The following CLEC1A variants were observed in gnomAD, a reference collection of about 807,000 sequenced individuals.
CLEC1A encodes the protein C-type lectin-like receptor-1.
Under a neutral mutation model 28.7 loss-of-function variants are expected in CLEC1A, and 34 were observed. The observed-to-expected ratio is 1.18, with a 90% CI of 0.90 to 1.57. The LOEUF (loss-of-function observed/expected upper bound fraction) is 1.57. CLEC1A is among the 40% of genes most tolerant of loss of function. The probability of loss-of-function intolerance (pLI) is 0.00; values close to 1 mark genes in which losing one functional copy is unlikely to be tolerated. For synonymous variants in CLEC1A, 116 were observed against 121.0 expected (o/e 0.96, Z 0.27); for missense variants, 385 against 339.5 (o/e 1.13, Z -1.05).
At chr12:10,079,467 T>C (rs1866320422) in intron 3 of CLEC1A, among the ~76,000 whole-genome samples, 1 of 152,210 alleles carries the variant, frequency 6.6e-6, no homozygotes, top group African/African-American at 2.4e-5. Context: ...TTTGTTTTTA[T>C]ATACCTAAAT....
intron 1 of CLEC1A, among the ~76,000 whole-genome samples, chr12:10,098,250 C>G (rs1947804292): frequency 6.6e-6 from 1 of 152,066 alleles, no homozygotes; most frequent in Admixed American, 6.6e-5. Context: ...TCAGATCAGA[C>G]AGACATTCAA....
At position 10,070,059 on chromosome 12, in the gene CLEC1A, G is replaced by T. The variant is rs1207391700; in HGVS notation, c.*1274C>A. On this transcript the variant is annotated 3_prime_UTR_variant, in exon 6 of 6. Transcript: ENST00000315330. ...TTATCAGTAAACCAATAAACTTGGT[G>T]GCTGTGATGGTGTCATTCCCAATGA... is the stretch of plus-strand genomic sequence containing the variant. 3 of 152,192 alleles carry T rather than the reference G, an allele frequency of 2.0e-5. No homozygotes were observed. Among genetic ancestry groups the T allele is most frequent in the Non-Finnish European group, 4.4e-5 (3 of 68,038 alleles). 9.4% of individuals were successfully genotyped at this position (152,192 alleles called of 1,614,324 possible).
chr12:10,081,131 T>C, intron 3 of CLEC1A, 106 bp downstream of exon 3: 1 of 983,300 alleles, frequency 1.0e-6, no homozygotes, highest in South Asian at 1.8e-5. Flanking sequence ...TTTTTCAGTT[T>C]GCCAGACCTC....
At chr12:10,090,896 A>C (rs768278122) in intron 1 of CLEC1A, among the ~76,000 whole-genome samples, 4 of 152,160 alleles carry the variant, frequency 2.6e-5, no homozygotes, top group Non-Finnish European at 4.4e-5. Flanking sequence ...CTTAAAATTA[A>C]ATCCTGCATT....
At chr12:10,074,820 TTAAA>T (rs1307022912) in intron 4 of CLEC1A, among the ~76,000 whole-genome samples, 1 of 152,218 alleles carries the variant, frequency 6.6e-6, no homozygotes, top group Non-Finnish European at 1.5e-5. Flanking sequence ...TTTAATTCAA[TTAAA>T]TAACCCTTTG....
At chr12:10,095,298 A>T (rs895661020) in intron 1 of CLEC1A, among the ~76,000 whole-genome samples, 6 of 152,070 alleles carry the variant, frequency 3.9e-5, no homozygotes, top group African/African-American at 1.4e-4. Flanking sequence ...AAATTTTTTA[A>T]AATTATTTAA....
At chr12:10,081,112 C>T in intron 3 of CLEC1A, 125 bp downstream of exon 3, 1 of 768,044 alleles carries the variant, frequency 1.3e-6, no homozygotes, top group South Asian at 2.0e-5. Flanking sequence ...GATCTTGAAG[C>T]CCAAACCCTT....
intron 2 of CLEC1A, among the ~76,000 whole-genome samples, chr12:10,088,612 A>G (rs1460707191): frequency 1.3e-5 from 2 of 151,918 alleles, no homozygotes; most frequent in African/African-American, 4.8e-5. Flanking sequence ...ATATTTTTAG[A>G]TATGCTTTTT....
At chr12:10,077,177 A>G (rs1052187708) in intron 3 of CLEC1A, among the ~76,000 whole-genome samples, 17 of 152,198 alleles carry the variant, frequency 1.1e-4, no homozygotes, top group African/African-American at 3.4e-4. Flanking sequence ...TAGTGATACT[A>G]TGTAACTAAA....
At chr12:10,079,054 C>T (rs1866312014) in intron 3 of CLEC1A, among the ~76,000 whole-genome samples, 1 of 152,190 alleles carries the variant, frequency 6.6e-6, no homozygotes, top group African/African-American at 2.4e-5. Context: ...GTATAAATTA[C>T]CCAGGCTCAG....
In CLEC1A at chr12:10,069,871, A is replaced by G. The variant is rs1378731584; in HGVS notation, c.*1462T>C. On this transcript the variant is annotated 3_prime_UTR_variant, in exon 6 of 6. Coordinates refer to ENST00000315330, the MANE Select transcript of CLEC1A (RefSeq NM_016511.4). ...ATCTAACAAAATGAAGTTTATGAAA[A>G]TGAGCACCAATGTGTTCTTTCTATC... The G allele has an allele frequency of 1.3e-5, 2 of 152,246 alleles. No individual in the cohort carries two copies. Among genetic ancestry groups the G allele is most frequent in the East Asian group, 1.9e-4 (1 of 5,202 alleles). 9.4% of individuals were successfully genotyped at this position (152,246 alleles called of 1,614,324 possible). A position where few individuals can be genotyped will look rare whatever the true frequency, so the allele number is the denominator to read the frequency against.
At chr12:10,098,097 G>A (rs1947802846) in intron 1 of CLEC1A, among the ~76,000 whole-genome samples, 1 of 151,630 alleles carries the variant, frequency 6.6e-6, no homozygotes, top group Non-Finnish European at 1.5e-5. Context: ...TTACAAAGGT[G>A]AAGAAAACAA....
At chr12:10,091,005 A>C (rs1445564114) in intron 1 of CLEC1A, among the ~76,000 whole-genome samples, 1 of 152,148 alleles carries the variant, frequency 6.6e-6, no homozygotes, top group Non-Finnish European at 1.5e-5. Context: ...TTAGTCCTTG[A>C]TCTGATCAAG....
intron 1 of CLEC1A, among the ~76,000 whole-genome samples, chr12:10,095,501 C>T (rs998231689): frequency 5.3e-5 from 8 of 151,786 alleles, no homozygotes; most frequent in Admixed American, 2.0e-4. Context: ...AATCTGTCAC[C>T]CAATGCTGTA....
At chr12:10,095,447 A>G (rs7956208) in intron 1 of CLEC1A, among the ~76,000 whole-genome samples, 114,780 of 151,958 alleles carry the variant, frequency 0.76, 45,098 homozygotes, top group Non-Finnish European at 0.88. Flanking sequence ...TTTTCAATCT[A>G]CAATTGAGTT....
At chr12:10,095,219 A>T (rs1177074488) in intron 1 of CLEC1A, among the ~76,000 whole-genome samples, 3 of 152,160 alleles carry the variant, frequency 2.0e-5, no homozygotes, top group Non-Finnish European at 4.4e-5. Context: ...ATAAAACTAA[A>T]ACGCTGGGAA....
chr12:10,071,640 G>A (rs1939053857), intron 5 of CLEC1A, 127 bp from the exon 6 acceptor site: 1 of 713,794 alleles, frequency 1.4e-6, no homozygotes, highest in Non-Finnish European at 2.1e-6. Flanking sequence ...GGGAAACTGG[G>A]GTCATGTGCC....
Position 10,089,201 on chromosome 12 carries a change from G to T in CLEC1A, c.137C>A (p.Thr46Lys). 6.2e-7 allele frequency: 1 copy of T among 1,613,962 alleles called. No homozygotes were observed. Among genetic ancestry groups the T allele is most frequent in the Non-Finnish European group, 8.5e-7 (1 of 1,179,846 alleles). ...RRTEHRAPSS[T>K]WRPVALTLLT... ...CAGGGTCAGGGCCACTGGTCGCCAC[G>T]TTGAAGAGGGAGCCCTGTGCTCTGC... Residue 46 changes from threonine to lysine, a missense_variant, in exon 2 of 6, where the codon ACG becomes AAG. Coordinates refer to ENST00000315330, the MANE Select transcript of CLEC1A (RefSeq NM_016511.4).
chr12:10,090,287 G>T (rs1213133081), intron 1 of CLEC1A, among the ~76,000 whole-genome samples: 3 of 152,106 alleles, frequency 2.0e-5, no homozygotes, highest in African/African-American at 7.2e-5. Flanking sequence ...TAGGTACAGA[G>T]ATTTTCCAGG....
Sources: gnomAD v4.1 joint callset for allele counts (sites outside exome capture counted in the v4.1 genomes callset) on GRCh38, gnomAD v4.1.1 for gene constraint, MANE v1.5 for transcripts, NCBI Gene and HGNC (gene_info 2026-07-23, HGNC 2026-07-21) for gene names.